The following OSCP1 variants were observed in gnomAD, a reference collection of about 807,000 sequenced individuals.
OSCP1 encodes the protein protein OSCP1.
A neutral mutation model predicts 45.1 loss-of-function variants in OSCP1; 35 were observed. The ratio of observed to expected loss-of-function variants is 0.78; its 90% CI spans 0.59 to 1.03. OSCP1 has a LOEUF of 1.03. OSCP1 is among the 50% of genes least tolerant of loss of function. The pLI, the probability that OSCP1 is intolerant of heterozygous loss-of-function variation, is 0.00. For synonymous variants in OSCP1, 179 were observed against 180.1 expected, an observed-to-expected ratio of 0.99 and a Z score of 0.05; for missense variants, 400 against 470.7, an observed-to-expected ratio of 0.85 and a Z score of 1.39.
intron 4 of OSCP1, among the ~76,000 whole-genome samples, chr1:36,424,419 C>G (rs16822958): frequency 0.1 from 15,568 of 152,244 alleles, 948 homozygotes; most frequent in East Asian, 0.29. Flanking sequence ...GCCTTGGTTC[C>G]CTGCCTACTT....
chr1:36,431,929 G>T, intron 3 of OSCP1, 47 bp from the exon 4 acceptor site: 1 of 1,569,604 alleles, frequency 6.4e-7, no homozygotes. Context: ...CAAGAGGGAT[G>T]AGTAGTACGC....
chr1:36,429,535 A>ATTT lies in OSCP1; in HGVS notation c.516+2264_516+2266dup, dbSNP rs200043573. On this transcript the variant is annotated intron_variant, in intron 4 of 9. Coordinates refer to ENST00000235532, the MANE Select transcript of OSCP1 (RefSeq NM_145047.5). Reference sequence around the variant, plus strand: ...CACATTCAAAATTCAGAAGCTTAGAATTTTTTTTTTTTTTTTTTTTTTTTT... The same window carrying ATTT: ...CACATTCAAAATTCAGAAGCTTAGAATTTTTTTTTTTTTTTTTTTTTTTTTTTT... 2.9e-3 allele frequency among the ~76,000 whole-genome samples: 292 copies of ATTT among 100,286 alleles called. 7 individuals carry two copies. The highest frequency in any genetic ancestry group is 3.6e-3 in the African/African-American group (85 of 23,902). 65.8% of individuals were successfully genotyped at this position (100,286 alleles called of 152,430 possible). A position where few individuals can be genotyped will look rare whatever the true frequency, so the allele number is the denominator to read the frequency against.
At chr1:36,446,068 G>T (rs1195075612) in intron 1 of OSCP1, among the ~76,000 whole-genome samples, 1 of 151,678 alleles carries the variant, frequency 6.6e-6, no homozygotes, top group Non-Finnish European at 1.5e-5. Context: ...TGTCGCCCAG[G>T]CTAGAGTGCA....
chr1:36,427,954 G>A (rs918687004), intron 4 of OSCP1, among the ~76,000 whole-genome samples: 5 of 151,958 alleles, frequency 3.3e-5, no homozygotes, highest in South Asian at 4.1e-4. Flanking sequence ...TTGGGAGGCC[G>A]AGGCGGGTGG....
chr1:36,428,243 A>T, intron 4 of OSCP1: 1 of 1,431,658 alleles, frequency 7.0e-7, no homozygotes. Flanking sequence ...ATTGAAATCT[A>T]TTTATCTTCC....
intron 4 of OSCP1, among the ~76,000 whole-genome samples, chr1:36,428,052 T>C (rs1335671894): frequency 6.6e-6 from 1 of 151,900 alleles, no homozygotes; most frequent in African/African-American, 2.4e-5. Context: ...TAGCTGGATG[T>C]GGCGGTGTGC....
intron 4 of OSCP1, among the ~76,000 whole-genome samples, chr1:36,427,978 A>G (rs1648088381): frequency 6.6e-6 from 1 of 152,048 alleles, no homozygotes; most frequent in South Asian, 2.1e-4. Flanking sequence ...GCCTGAGGTC[A>G]GGAGTTCAAG....
chr1:36,431,896 G>A lies in OSCP1; in HGVS notation c.436-14C>T, dbSNP rs756294173. On this transcript the variant is annotated splice_polypyrimidine_tract_variant and intron_variant, in intron 3 of 9. Coordinates refer to ENST00000235532, the MANE Select transcript of OSCP1 (RefSeq NM_145047.5). ...ACCACCATATATCTGCCAAAGGCAA[G>A]CAGAAAGCAGCACTTCACTTTCCAA... The A allele has an allele frequency of 1.2e-6, 2 of 1,610,766 alleles. No individual in the cohort carries two copies. Among genetic ancestry groups the A allele is most frequent in the Non-Finnish European group, 1.7e-6 (2 of 1,179,142 alleles).
rs1220874555 is a variant in OSCP1, at chr1:36,428,399, A to G, written c.516+3403T>C. 4 of 1,614,052 alleles carry G rather than the reference A, an allele frequency of 2.5e-6. No individual in the cohort carries two copies. In the African/African-American group the frequency reaches 4.0e-5, roughly 16 times the overall value. ...AGTCAGTCTCCTTCTCCTGTCCTCC[A>G]TATAGTTCCCCACTCCTGGAAGGCA... On this transcript the variant is annotated intron_variant, in intron 4 of 9. Coordinates refer to ENST00000235532, the MANE Select transcript of OSCP1 (RefSeq NM_145047.5).
chr1:36,431,877 A>G lies in OSCP1; in HGVS notation c.441T>C (p.Tyr147=). Reference sequence around the variant, plus strand: ...GGAACTCCCCTGCAGAGAGACCACCATATATCTGCCAAAGGCAAGCAGAAA... The same window carrying G: ...GGAACTCCCCTGCAGAGAGACCACCGTATATCTGCCAAAGGCAAGCAGAAA... ...DETLRQLTEI[Y]GGLSAGEFQL... The change falls in exon 4 of 10, where the codon TAT becomes TAC. Residue 147 remains tyrosine, a synonymous_variant. Coordinates refer to ENST00000235532, the MANE Select transcript of OSCP1 (RefSeq NM_145047.5). The G allele has an allele frequency of 6.2e-7, 1 of 1,612,964 alleles. No individual in the cohort carries two copies. The highest frequency in any genetic ancestry group is 1.1e-5 in the South Asian group (1 of 91,064).
At chr1:36,436,418 T>G (rs1648746030) in intron 2 of OSCP1, among the ~76,000 whole-genome samples, 1 of 152,102 alleles carries the variant, frequency 6.6e-6, no homozygotes, top group Non-Finnish European at 1.5e-5. Flanking sequence ...CCCTCTCTAT[T>G]TTTTTAGAGA....
chr1:36,422,039 CAG>C (rs1222658714), intron 7 of OSCP1, 109 bp downstream of exon 7: 27 of 1,040,516 alleles, frequency 2.6e-5, no homozygotes, highest in East Asian at 1.9e-4. Flanking sequence ...TTGCACACAA[CAG>C]GGGAAATGTT....
At chr1:36,444,279 T>C (rs936451004) in intron 1 of OSCP1, among the ~76,000 whole-genome samples, 16 of 151,842 alleles carry the variant, frequency 1.1e-4, no homozygotes, top group African/African-American at 3.4e-4. Flanking sequence ...AAGAAGAGAG[T>C]AAACTGAGGA....
intron 2 of OSCP1, 96 bp from the exon 3 acceptor site, chr1:36,432,685 C>G (rs1648453976): frequency 6.9e-7 from 1 of 1,450,926 alleles, no homozygotes; most frequent in Non-Finnish European, 9.6e-7. Context: ...TACTGAAAAC[C>G]AACTCTGGGC....
intron 3 of OSCP1, among the ~76,000 whole-genome samples, 166 bp from the exon 4 acceptor site, chr1:36,432,048 G>A (rs1004836486): frequency 1.3e-4 from 20 of 152,024 alleles, no homozygotes; most frequent in African/African-American, 4.3e-4. Flanking sequence ...GCCTCTCCAC[G>A]GTGACAAAGC....
intron 4 of OSCP1, among the ~76,000 whole-genome samples, chr1:36,425,936 G>C (rs938832236): frequency 3.9e-5 from 6 of 152,294 alleles, no homozygotes; most frequent in Non-Finnish European, 5.9e-5. Flanking sequence ...GGGAGTCTGG[G>C]GGGAGGCAGG....
intron 8 of OSCP1, 96 bp from the exon 9 acceptor site, chr1:36,419,150 C>A: frequency 9.8e-7 from 1 of 1,018,282 alleles, no homozygotes. Flanking sequence ...CCTATTTTTT[C>A]TGCCTCATCT....
At chr1:36,424,451 A>G (rs184967463) in intron 4 of OSCP1, among the ~76,000 whole-genome samples, 208 of 152,254 alleles carry the variant, frequency 1.4e-3, no homozygotes, top group Middle Eastern at 0.01. Flanking sequence ...GCAGGCCTTG[A>G]GCTGTAAGAA....
At chr1:36,441,739 A>G (rs1160352925) in intron 1 of OSCP1, among the ~76,000 whole-genome samples, 1 of 127,120 alleles carries the variant, frequency 7.9e-6, no homozygotes, top group East Asian at 2.4e-4. Flanking sequence ...TAACAGAGCG[A>G]GACTCCAGCT....
Sources: allele counts gnomAD v4.1 joint callset (sites outside exome capture counted in the v4.1 genomes callset), GRCh38; gene constraint gnomAD v4.1.1; transcripts MANE v1.5; gene names NCBI Gene and HGNC (gene_info 2026-07-23, HGNC 2026-07-21).